The following CDKL5 variants were observed in gnomAD, a reference collection of about 807,000 sequenced individuals.
CDKL5 encodes cyclin dependent kinase like 5.
A neutral mutation model predicts 61.7 loss-of-function variants in CDKL5; 8 were observed. The ratio of observed to expected loss-of-function variants is 0.13; its 90% CI spans 0.08 to 0.23. The LOEUF (loss-of-function observed/expected upper bound fraction) is 0.23, where lower values mean the gene tolerates loss of function less well. Among genes scored for constraint, CDKL5 ranks in the 10% least tolerant of loss-of-function variants. CDKL5 has a pLI of 1.00. For missense variants in CDKL5, 440 were observed against 734.5 expected (o/e 0.60, Z 4.63); for synonymous variants, 275 against 272.3 (o/e 1.01, Z -0.10).
At chrX:18,555,715 T>G (rs760680291) in intron 3 of CDKL5, among the ~76,000 whole-genome samples, 1 of 112,611 alleles carries the variant, frequency 8.9e-6, no homozygotes, top group Middle Eastern at 4.6e-3. Flanking sequence ...TGTCATGCGT[T>G]ATTACATACC....
chrX:18,555,979 G>A (rs1458706028), intron 3 of CDKL5, among the ~76,000 whole-genome samples: 1 of 111,780 alleles, frequency 8.9e-6, no homozygotes, highest in Non-Finnish European at 1.9e-5. Context: ...TATAAGTCAA[G>A]ATCTCTAAGG....
downstream of CDKL5, chrX:18,644,718 C>A: frequency 1.1e-6 from 1 of 926,363 alleles, no homozygotes; most frequent in Non-Finnish European, 1.5e-6. Flanking sequence ...TGCCAGCATC[C>A]AAAGAGCCCC....
At chrX:18,524,693 C>T (rs374517654) in intron 3 of CDKL5, among the ~76,000 whole-genome samples, 1 of 111,919 alleles carries the variant, frequency 8.9e-6, no homozygotes, top group East Asian at 2.8e-4. Flanking sequence ...TGAAGGTCAC[C>T]TAGATTTTCT....
intron 11 of CDKL5, 78 bp from the exon 12 acceptor site, chrX:18,603,824 T>C: frequency 9.1e-7 from 1 of 1,096,880 alleles, no homozygotes; most frequent in Non-Finnish European, 1.3e-6. Context: ...TTTGAGTATT[T>C]GTTCTTTCTT....
In CDKL5 at chrX:18,631,603, A is replaced by G. The variant is rs1490024483; in HGVS notation, c.*2846A>G. The G allele has an allele frequency of 1.2e-5, 9 of 753,028 alleles. No homozygotes were observed. In the African/African-American group the frequency reaches 1.8e-4, roughly 15 times the overall value. 62.1% of individuals were successfully genotyped at this position (753,028 alleles called of 1,213,427 possible). On this transcript the variant is annotated 3_prime_UTR_variant, in exon 18 of 18. Transcript: ENST00000623535. ...TTAGGAAGGGGAATTCATGACATCC[A>G]TGTCCTATTATCGGCCGTAACTTCC... is the stretch of plus-strand genomic sequence containing the variant.
intron 1 of CDKL5, among the ~76,000 whole-genome samples, chrX:18,474,653 A>G (rs1023207139): frequency 3.6e-5 from 4 of 112,304 alleles, no homozygotes; most frequent in Non-Finnish European, 7.5e-5. Flanking sequence ...TCAAAGTAGC[A>G]GAGGAAGATA....
At chrX:18,611,841 T>C (rs1926563210) in intron 14 of CDKL5, among the ~76,000 whole-genome samples, 1 of 112,122 alleles carries the variant, frequency 8.9e-6, no homozygotes, top group Non-Finnish European at 1.9e-5. Flanking sequence ...AAGACATCTG[T>C]CATTTCAATG....
intron 1 of CDKL5, among the ~76,000 whole-genome samples, chrX:18,456,327 C>T (rs989375191): frequency 1.8e-5 from 2 of 111,391 alleles, no homozygotes; most frequent in African/African-American, 3.3e-5. Context: ...CGTGAGCCAC[C>T]GCGCCCGCCC....
chrX:18,560,256 A>G (rs1016193448), intron 3 of CDKL5, among the ~76,000 whole-genome samples: 1 of 111,610 alleles, frequency 9.0e-6, no homozygotes, highest in Non-Finnish European at 1.9e-5. Context: ...CCAACAGTGT[A>G]AAAGTGTTCC....
At chrX:18,559,454 A>AG (rs2147128575) in intron 3 of CDKL5, among the ~76,000 whole-genome samples, 1 of 109,693 alleles carries the variant, frequency 9.1e-6, no homozygotes, top group African/African-American at 3.3e-5. Context: ...TGATCCGCCC[A>AG]CCTCGGCCTC....
chrX:18,559,277 C>T (rs1048501565), intron 3 of CDKL5, among the ~76,000 whole-genome samples: 2 of 111,720 alleles, frequency 1.8e-5, no homozygotes, highest in South Asian at 3.7e-4. Context: ...GGCGTGGTCT[C>T]GGCTCACTGC....
In CDKL5 at chrX:18,588,255, T is replaced by G. The variant is rs150769601; in HGVS notation, c.744+112T>G. On this transcript the variant is annotated intron_variant, in intron 9 of 17. Transcript: ENST00000623535. Reference sequence around the variant, plus strand: ...CTTTGAATACTATTTCTTTTCCCATTACAGTGTTTATAATCCCTATTATAA... The same window carrying G: ...CTTTGAATACTATTTCTTTTCCCATGACAGTGTTTATAATCCCTATTATAA... The G allele has an allele frequency of 1.8e-3, 1,105 of 616,612 alleles. 10 individuals carry two copies. In the African/African-American group the frequency reaches 0.021, roughly 12 times the overall value. The allele number at this position is 616,612 out of a possible 1,213,427, so 50.8% of individuals were successfully genotyped here.
chrX:18,629,246 A>G lies in CDKL5; in HGVS notation c.*489A>G. 1 of 734,790 alleles carries G rather than the reference A, an allele frequency of 1.4e-6. No individual in the cohort carries two copies. The highest frequency in any genetic ancestry group is 2.3e-5 in the African/African-American group (1 of 43,426). 60.6% of individuals were successfully genotyped at this position (734,790 alleles called of 1,213,427 possible). A position where few individuals can be genotyped will look rare whatever the true frequency, so the allele number is the denominator to read the frequency against. On this transcript the variant is annotated 3_prime_UTR_variant, in exon 18 of 18. Transcript: ENST00000623535. ...TTAGCAGATGAACTGTATGTCTTAA[A>G]TTGTTTTCTAAACTTCCATATTTGA... is the stretch of plus-strand genomic sequence containing the variant.
At chrX:18,554,189 A>G (rs187288879) in intron 3 of CDKL5, among the ~76,000 whole-genome samples, 1,482 of 107,034 alleles carry the variant, frequency 0.014, 16 homozygotes, top group Non-Finnish European at 0.02. Context: ...TACATTAGGT[A>G]TATCTCCTAA....
chrX:18,465,499 C>T (rs1457031783), intron 1 of CDKL5, among the ~76,000 whole-genome samples: 1 of 110,550 alleles, frequency 9.0e-6, no homozygotes, highest in African/African-American at 3.3e-5. Flanking sequence ...AACCCCGTCT[C>T]TACTAAAAAT....
chrX:18,547,330 A>T (rs920767416), intron 3 of CDKL5, among the ~76,000 whole-genome samples: 2 of 112,122 alleles, frequency 1.8e-5, no homozygotes, highest in Non-Finnish European at 3.8e-5. Flanking sequence ...GTTATCCTGA[A>T]AGCCTCCAGG....
At position 18,630,633 on chromosome X, in the gene CDKL5, A is replaced by G. The variant is rs760155591; in HGVS notation, c.*1876A>G. The G allele has an allele frequency of 2.7e-6, 2 of 729,849 alleles. No homozygotes were observed. Among genetic ancestry groups the G allele is most frequent in the South Asian group, 7.0e-5 (1 of 14,256 alleles). The allele number at this position is 729,849 out of a possible 1,213,427, so 60.1% of individuals were successfully genotyped here. ...CATATTGCATTTTTATATAAATACT[A>G]TAATGTGTATTGATTATATAGATAG... On this transcript the variant is annotated 3_prime_UTR_variant, in exon 18 of 18. Coordinates refer to ENST00000623535, the MANE Select transcript of CDKL5 (RefSeq NM_001323289.2).
At chrX:18,485,306 A>G (rs1362410382) in intron 1 of CDKL5, among the ~76,000 whole-genome samples, 1 of 110,543 alleles carries the variant, frequency 9.0e-6, no homozygotes, top group Non-Finnish European at 1.9e-5. Context: ...AAATTTCATC[A>G]TTTTGTGCCT....
chrX:18,432,008 G>C (rs1158728064), intron 1 of CDKL5, among the ~76,000 whole-genome samples: 1 of 107,645 alleles, frequency 9.3e-6, no homozygotes, highest in East Asian at 3.0e-4. Context: ...TCCCAGGCTC[G>C]AGCGATCCTC....
Sources: allele counts gnomAD v4.1 joint callset (sites outside exome capture counted in the v4.1 genomes callset), GRCh38; gene constraint gnomAD v4.1.1; transcripts MANE v1.5; gene names NCBI Gene and HGNC (gene_info 2026-07-23, HGNC 2026-07-21).